The following MTUS2 variants were observed in gnomAD, a reference collection of about 807,000 sequenced individuals.
The protein encoded by MTUS2 is microtubule associated scaffold protein 2, also known as microtubule-associated tumor suppressor candidate 2.
MTUS2 carries 40 observed loss-of-function variants against 114.1 expected under a neutral mutation model. That is an observed-to-expected ratio of 0.35 (90% CI 0.27 to 0.46). MTUS2 has a LOEUF of 0.46. MTUS2 is among the 20% of genes least tolerant of loss of function. The pLI is 1.00. For missense variants in MTUS2, 1,679 were observed against 1,705.4 expected (o/e 0.98, Z 0.27); for synonymous variants, 688 against 672.0 (o/e 1.02, Z -0.37).
chr13:28,942,615 T>C (rs1047089036), intron 2 of MTUS2, among the ~76,000 whole-genome samples: 1 of 152,236 alleles, frequency 6.6e-6, no homozygotes, highest in Non-Finnish European at 1.5e-5. Context: ...ATTCTTACAA[T>C]GGAATCCTAT....
At chr13:28,966,582 G>T (rs1265715357) in intron 2 of MTUS2, among the ~76,000 whole-genome samples, 2 of 151,912 alleles carry the variant, frequency 1.3e-5, no homozygotes, top group South Asian at 2.1e-4. Flanking sequence ...GCAATTAGCT[G>T]GGCATAGTGG....
At position 29,084,852 on chromosome 13, in the gene MTUS2, AG is replaced by A. The variant is rs1432739556; in HGVS notation, c.2447-15919del. On this transcript the variant is annotated intron_variant, in intron 4 of 15. Transcript: ENST00000612955. ...CATGAGCTACTGTGCCTGACCTCAG[AG>A]GTTACTTTATAGGGTTTAAGAACAC... 1.1e-4 allele frequency among the ~76,000 whole-genome samples: 16 copies of A among 143,664 alleles called. No homozygotes were observed. The Admixed American group carries it at 1.2e-3, about 10-fold the overall frequency. 94.2% of individuals were successfully genotyped at this position (143,664 alleles called of 152,430 possible).
Position 29,219,151 on chromosome 13 carries a change from T to C in MTUS2, c.2645-62553T>C, listed in dbSNP as rs1252005949. On this transcript the variant is annotated intron_variant, in intron 5 of 15. Transcript: ENST00000612955. ...CCCCACCCCACCACAGTCCCCAGAG[T>C]GTGATATTCCCCTTCCTGTGTCCAT... Among the ~76,000 whole-genome samples the C allele has an allele frequency of 5.0e-4, 63 of 126,970 alleles. No individual in the cohort carries two copies. In the East Asian group the frequency reaches 0.015, roughly 30 times the overall value. The allele number at this position is 126,970 out of a possible 152,430, so 83.3% of individuals were successfully genotyped here. A position where few individuals can be genotyped will look rare whatever the true frequency, so the allele number is the denominator to read the frequency against.
At chr13:29,256,154 A>T (rs548383271) in intron 5 of MTUS2, among the ~76,000 whole-genome samples, 7 of 152,328 alleles carry the variant, frequency 4.6e-5, no homozygotes, top group Non-Finnish European at 8.8e-5. Context: ...CGACATGATA[A>T]ATCAGACATG....
intron 8 of MTUS2, among the ~76,000 whole-genome samples, chr13:29,383,259 T>TATATATATATATATA (rs1566168666): frequency 6.6e-6 from 1 of 151,284 alleles, no homozygotes; most frequent in African/African-American, 2.4e-5. Flanking sequence ...TGTGTATTTA[T>TATATATATATATATA]TTTTCTCATG....
intron 5 of MTUS2, among the ~76,000 whole-genome samples, chr13:29,187,275 G>C (rs1192103692): frequency 1.3e-5 from 2 of 151,886 alleles, no homozygotes; most frequent in Non-Finnish European, 2.9e-5. Context: ...ATGAAATAGA[G>C]AGTAGAAAAA....
intron 5 of MTUS2, among the ~76,000 whole-genome samples, chr13:29,200,620 A>G (rs906689717): frequency 1.4e-5 from 2 of 142,474 alleles, no homozygotes; most frequent in Admixed American, 1.5e-4. Flanking sequence ...TCCTGGGTTC[A>G]AGCGATTCTT....
intron 9 of MTUS2, among the ~76,000 whole-genome samples, chr13:29,448,385 C>G (rs1156892693): frequency 6.6e-6 from 1 of 152,218 alleles, no homozygotes; most frequent in Admixed American, 6.5e-5. Context: ...GTGAAATTGG[C>G]TCTTAACTTT....
At chr13:29,372,525 T>C (rs921056672) in intron 8 of MTUS2, among the ~76,000 whole-genome samples, 11 of 151,878 alleles carry the variant, frequency 7.2e-5, no homozygotes, top group African/African-American at 2.4e-4. Flanking sequence ...TACCTACACC[T>C]GGTGACAAAC....
chr13:29,258,128 A>T (rs1445590681), intron 5 of MTUS2, among the ~76,000 whole-genome samples: 1 of 152,210 alleles, frequency 6.6e-6, no homozygotes, highest in Non-Finnish European at 1.5e-5. Context: ...TCTGCTCAGG[A>T]TCTCAAAGGC....
At chr13:28,852,197 A>G (rs186745403) in intron 2 of MTUS2, among the ~76,000 whole-genome samples, 47 of 152,022 alleles carry the variant, frequency 3.1e-4, no homozygotes, top group African/African-American at 1.0e-3. Flanking sequence ...TGATCACACT[A>G]TCTGGTGCCC....
chr13:29,288,351 A>C (rs1898574390), intron 6 of MTUS2, among the ~76,000 whole-genome samples: 2 of 152,166 alleles, frequency 1.3e-5, no homozygotes, highest in Non-Finnish European at 2.9e-5. Context: ...TCATCTGGAG[A>C]AAGAAGAGCT....
At position 29,025,059 on chromosome 13, in the gene MTUS2, C is replaced by G; in HGVS notation, c.361C>G (p.Leu121Val). ...EHTVERGTDS[L>V]QTTRSIQGPS... is the part of the protein sequence containing the mutation. ...CACAGTGGAGAGAGGCACAGATAGC[C>G]TGCAGACCACGCGGAGTATTCAGGG... Residue 121 changes from leucine to valine, a missense_variant, in exon 3 of 16, where the codon CTG becomes GTG. Coordinates refer to ENST00000612955, the MANE Select transcript of MTUS2 (RefSeq NM_001033602.4). 1.2e-6 allele frequency: 2 copies of G among 1,613,968 alleles called. No homozygotes were observed. Among genetic ancestry groups the G allele is most frequent in the African/African-American group, 1.3e-5 (1 of 75,040 alleles).
chr13:29,058,225 G>A (rs1233227717), intron 4 of MTUS2, among the ~76,000 whole-genome samples: 1 of 92,546 alleles, frequency 1.1e-5, no homozygotes, highest in Non-Finnish European at 2.4e-5. Flanking sequence ...TTTTCATTTT[G>A]ACTTTGGAGA....
intron 11 of MTUS2, among the ~76,000 whole-genome samples, chr13:29,492,009 ATG>A (rs1232764275): frequency 2.0e-5 from 1 of 49,392 alleles, no homozygotes. Context: ...GTGTATGTGA[ATG>A]TGTGTGGTAG....
At chr13:29,080,295 A>G (rs897363191) in intron 4 of MTUS2, among the ~76,000 whole-genome samples, 4 of 152,184 alleles carry the variant, frequency 2.6e-5, no homozygotes, top group African/African-American at 9.7e-5. Context: ...TAAAATTAAT[A>G]CAGAGGAAAA....
chr13:29,291,658 G>A (rs779383466), intron 6 of MTUS2, among the ~76,000 whole-genome samples: 3 of 152,134 alleles, frequency 2.0e-5, no homozygotes, highest in African/African-American at 2.4e-5. Flanking sequence ...GGTTGAGGTC[G>A]TAGGGCTCGC....
At chr13:29,257,913 G>A (rs1056750634) in intron 5 of MTUS2, among the ~76,000 whole-genome samples, 11 of 152,188 alleles carry the variant, frequency 7.2e-5, no homozygotes, top group African/African-American at 2.4e-4. Context: ...GAGTCCATGA[G>A]CCACTGGGCA....
At chr13:28,863,248 G>A (rs1430751829) in intron 2 of MTUS2, among the ~76,000 whole-genome samples, 1 of 152,140 alleles carries the variant, frequency 6.6e-6, no homozygotes. Context: ...GGCTTCCAGG[G>A]CTCTCAGAAG....
Sources: gnomAD v4.1 joint callset for allele counts (sites outside exome capture counted in the v4.1 genomes callset) on GRCh38, gnomAD v4.1.1 for gene constraint, MANE v1.5 for transcripts, NCBI Gene and HGNC (gene_info 2026-07-23, HGNC 2026-07-21) for gene names.